The following NOS1AP variants were observed in gnomAD, a reference collection of about 807,000 sequenced individuals.
NOS1AP encodes the protein carboxyl-terminal PDZ ligand of neuronal nitric oxide synthase protein.
NOS1AP carries 21 observed loss-of-function variants against 56.2 expected under a neutral mutation model. The ratio of observed to expected loss-of-function variants is 0.37; its 90% CI spans 0.26 to 0.54. The LOEUF is 0.54. Ranked by LOEUF, NOS1AP falls within the 20% of genes least tolerant of loss-of-function variation. The pLI, the probability that NOS1AP is intolerant of heterozygous loss-of-function variation, is 0.84. For missense variants in NOS1AP, 522 were observed against 657.8 expected (o/e 0.79, Z 2.26); for synonymous variants, 270 against 274.6 (o/e 0.98, Z 0.17).
At chr1:162,136,795 A>G (rs193246844) in intron 1 of NOS1AP, among the ~76,000 whole-genome samples, 1 of 152,318 alleles carries the variant, frequency 6.6e-6, no homozygotes, top group East Asian at 1.9e-4. Context: ...TGGCTGTAGT[A>G]TGAAGGGAGT....
rs116120724 is a variant in NOS1AP at position 162,315,628 on chromosome 1, C to T, written c.344+14922C>T. Among the ~76,000 whole-genome samples the T allele has an allele frequency of 4.7e-3, 723 of 152,352 alleles. 10 individuals are homozygous for T. Among genetic ancestry groups the T allele is most frequent in the African/African-American group, 0.016 (681 of 41,586 alleles). On this transcript the variant is annotated intron_variant, in intron 4 of 9. Transcript: ENST00000361897. ...AAGCTGGGTTATCTGCAAGTCTCCA[C>T]ATCCTTTATCAGGAGACCCTGAGAA...
At chr1:162,296,896 A>T (rs760949719) in intron 3 of NOS1AP, among the ~76,000 whole-genome samples, 3 of 152,150 alleles carry the variant, frequency 2.0e-5, no homozygotes, top group Non-Finnish European at 4.4e-5. Context: ...GGTCACAAAA[A>T]CTGTCCACTG....
intron 3 of NOS1AP, among the ~76,000 whole-genome samples, chr1:162,289,463 A>C (rs1386158090): frequency 4.7e-5 from 4 of 84,634 alleles, no homozygotes; most frequent in African/African-American, 5.4e-5. Flanking sequence ...ACGCCCAGCT[A>C]CTTTTCTTTT....
intron 4 of NOS1AP, among the ~76,000 whole-genome samples, chr1:162,301,102 T>C (rs781110692): frequency 6.6e-6 from 1 of 152,192 alleles, no homozygotes; most frequent in African/African-American, 2.4e-5. Flanking sequence ...TCTCTACCCC[T>C]TCAGAAACTG....
At chr1:162,263,873 A>G (rs1330412855) in intron 2 of NOS1AP, among the ~76,000 whole-genome samples, 11 of 152,182 alleles carry the variant, frequency 7.2e-5, no homozygotes, top group Admixed American at 7.2e-4. Flanking sequence ...CTTGTATTCA[A>G]TTTCACAAAC....
intron 2 of NOS1AP, among the ~76,000 whole-genome samples, chr1:162,282,496 A>AAAT (rs113249135): frequency 0.29 from 43,741 of 151,968 alleles, 6,687 homozygotes; most frequent in East Asian, 0.59. Flanking sequence ...TGGTTATTGT[A>AAAT]AATACTGCTG....
intron 2 of NOS1AP, among the ~76,000 whole-genome samples, chr1:162,286,234 T>C (rs970918602): frequency 2.6e-5 from 4 of 152,198 alleles, no homozygotes; most frequent in Non-Finnish European, 5.9e-5. Flanking sequence ...ACTGTAGAAA[T>C]AATTAGGTTT....
intron 2 of NOS1AP, among the ~76,000 whole-genome samples, chr1:162,258,959 T>A (rs1185538296): frequency 6.6e-6 from 1 of 152,148 alleles, no homozygotes; most frequent in African/African-American, 2.4e-5. Context: ...ATGGCTAATT[T>A]TATGTGTAAA....
chr1:162,210,905 G>A (rs1179836493), intron 2 of NOS1AP, among the ~76,000 whole-genome samples: 1 of 152,252 alleles, frequency 6.6e-6, no homozygotes, highest in African/African-American at 2.4e-5. Flanking sequence ...AGGCCCCTGA[G>A]CTCACGGAGT....
At chr1:162,120,703 G>C (rs557762651) in intron 1 of NOS1AP, among the ~76,000 whole-genome samples, 2 of 152,284 alleles carry the variant, frequency 1.3e-5, no homozygotes, top group South Asian at 4.1e-4. Flanking sequence ...CCCATGATTC[G>C]ATTATCTCCC....
chr1:162,331,341 C>T (rs888480176), intron 4 of NOS1AP, among the ~76,000 whole-genome samples: 1 of 152,088 alleles, frequency 6.6e-6, no homozygotes, highest in African/African-American at 2.4e-5. Context: ...TCTCTGTGCC[C>T]ACCTTTCTTT....
chr1:162,310,125 C>A (rs760870147), intron 4 of NOS1AP, among the ~76,000 whole-genome samples: 1 of 152,152 alleles, frequency 6.6e-6, no homozygotes, highest in Non-Finnish European at 1.5e-5. Context: ...ACATGCCCCA[C>A]GCTCCAACTC....
intron 2 of NOS1AP, among the ~76,000 whole-genome samples, chr1:162,234,675 A>G (rs1274027124): frequency 6.6e-6 from 1 of 152,104 alleles, no homozygotes; most frequent in African/African-American, 2.4e-5. Context: ...TGATGTTTCT[A>G]ATCTAAGGTT....
chr1:162,141,293 G>A (rs1649225384), intron 1 of NOS1AP, among the ~76,000 whole-genome samples: 1 of 152,182 alleles, frequency 6.6e-6, no homozygotes, highest in Non-Finnish European at 1.5e-5. Context: ...GCTAGAAAGT[G>A]GTGCAGCTGG....
At chr1:162,238,296 G>T (rs997458371) in intron 2 of NOS1AP, among the ~76,000 whole-genome samples, 1 of 152,020 alleles carries the variant, frequency 6.6e-6, no homozygotes, top group African/African-American at 2.4e-5. Flanking sequence ...CCCTCAGCTG[G>T]GTATTTTTGT....
intron 4 of NOS1AP, among the ~76,000 whole-genome samples, chr1:162,325,693 T>C (rs1043025416): frequency 2.6e-5 from 4 of 152,176 alleles, no homozygotes; most frequent in Non-Finnish European, 5.9e-5. Context: ...CTTCTGCATG[T>C]GTCACATTGT....
intron 1 of NOS1AP, among the ~76,000 whole-genome samples, chr1:162,085,194 A>G (rs551393642): frequency 6.6e-6 from 1 of 152,190 alleles, no homozygotes; most frequent in South Asian, 2.1e-4. Flanking sequence ...CTGCTATGCC[A>G]TCTCTTGGGT....
intron 2 of NOS1AP, among the ~76,000 whole-genome samples, chr1:162,202,136 C>G (rs1424347253): frequency 6.6e-6 from 1 of 152,070 alleles, no homozygotes; most frequent in Non-Finnish European, 1.5e-5. Context: ...AGTCGAAACT[C>G]TAGGTGGAAG....
intron 2 of NOS1AP, among the ~76,000 whole-genome samples, chr1:162,281,858 CGCCTGT>C (rs1485880030): frequency 6.6e-6 from 1 of 152,178 alleles, no homozygotes; most frequent in Non-Finnish European, 1.5e-5. Context: ...CGGTGGCTCA[CGCCTGT>C]AATCCAAGCA....
Sources: allele counts gnomAD v4.1 joint callset (sites outside exome capture counted in the v4.1 genomes callset), GRCh38; gene constraint gnomAD v4.1.1; transcripts MANE v1.5; gene names NCBI Gene and HGNC (gene_info 2026-07-23, HGNC 2026-07-21).